CREBBP: variants seen among roughly 807,000 people sequenced by gnomAD.
CREBBP encodes the protein CREB binding lysine acetyltransferase, also known as CREB-binding protein.
CREBBP carries 19 observed loss-of-function variants against 265.0 expected under a neutral mutation model. The ratio of observed to expected loss-of-function variants is 0.07; its 90% CI spans 0.05 to 0.11. CREBBP has a LOEUF of 0.11. Ranked by LOEUF, CREBBP falls within the 10% of genes least tolerant of loss-of-function variation. The probability of loss-of-function intolerance (pLI) is 1.00; values close to 1 mark genes in which losing one functional copy is unlikely to be tolerated. For missense variants in CREBBP, 2,525 were observed against 3,219.0 expected, an observed-to-expected ratio of 0.78 and a Z score of 5.22; for synonymous variants, 1,457 against 1,223.7, an observed-to-expected ratio of 1.19 and a Z score of -3.98.
At chr16:3,774,003 T>C (rs2053078244) in intron 12 of CREBBP, 73 bp from the exon 13 acceptor site, 1 of 1,538,524 alleles carries the variant, frequency 6.5e-7, no homozygotes, top group Non-Finnish European at 9.0e-7. Context: ...TGAGCCAGAA[T>C]GATCCAAGGC....
At position 3,838,405 on chromosome 16, in the gene CREBBP, C is replaced by G. The variant is rs753669238; in HGVS notation, c.798+11892G>C. 2.6e-5 allele frequency among the ~76,000 whole-genome samples: 4 copies of G among 152,272 alleles called. No individual in the cohort carries two copies. In the East Asian group the frequency reaches 7.7e-4, roughly 29 times the overall value. On this transcript the variant is annotated intron_variant, in intron 2 of 30. Transcript: ENST00000262367. ...AATCACTTAATGATGCATTTCACCC[C>G]CATCAAGTGACACATGCCTAAGTTA...
At chr16:3,759,642 G>GT (rs2052667171) in intron 16 of CREBBP, among the ~76,000 whole-genome samples, 1 of 150,420 alleles carries the variant, frequency 6.6e-6, no homozygotes, top group Admixed American at 6.6e-5. Flanking sequence ...TCTGAGTAAA[G>GT]TTTTTTATCC....
rs137867843 is a variant in CREBBP, at chr16:3,879,891, G to A, written c.26C>T (p.Pro9Leu). Reference sequence around the variant, plus strand: ...GAGTTTGGCTCTTTTGGGGTTGGGCGGTCCGTCCAGCAAGTTCTCAGCCAT... The same window carrying A: ...GAGTTTGGCTCTTTTGGGGTTGGGCAGTCCGTCCAGCAAGTTCTCAGCCAT... MAENLLDG[P>L]PNPKRAKLSS... Residue 9 changes from proline to leucine, a missense_variant, in exon 1 of 31, where the codon CCG becomes CTG. This residue lies in a region of CREBBP where 356 missense variants were observed against 340.4 expected (regional missense o/e 1.05). Transcript: ENST00000262367. 1 of 1,612,636 alleles carries A rather than the reference G, an allele frequency of 6.2e-7. No individual in the cohort carries two copies. The highest frequency in any genetic ancestry group is 8.5e-7 in the Non-Finnish European group (1 of 1,179,332).
intron 2 of CREBBP, among the ~76,000 whole-genome samples, chr16:3,818,125 G>T (rs575915413): frequency 6.6e-6 from 1 of 151,878 alleles, no homozygotes; most frequent in Non-Finnish European, 1.5e-5. Flanking sequence ...CACAAGAAGG[G>T]GTTGACCATA....
Position 3,725,995 on chromosome 16 carries a change from G to A in CREBBP, c.*1723C>T, listed in dbSNP as rs1373249550. 4.3e-6 allele frequency: 1 copy of A among 233,092 alleles called. No individual in the cohort carries two copies. The highest frequency in any genetic ancestry group is 2.2e-5 in the African/African-American group (1 of 45,332). 14.4% of individuals were successfully genotyped at this position (233,092 alleles called of 1,614,324 possible). ...TGAACTTGTCTCACCCACTCAGTAA[G>A]GGAGCCTGGAACTGGACTCCAAGGG... is the stretch of plus-strand genomic sequence containing the variant. On this transcript the variant is annotated 3_prime_UTR_variant, in exon 31 of 31. Transcript: ENST00000262367.
At position 3,778,008 on chromosome 16, in the gene CREBBP, T is replaced by C. The variant is rs367714273; in HGVS notation, c.2113+3A>G. The stretch of plus-strand genomic sequence containing the variant: ...GGATGGCAGTAGGAAATAAAATCCT[T>C]ACTTGGAGGTCTCACAGGTTGTGCC... On this transcript the variant is annotated splice_donor_region_variant and intron_variant, in intron 10 of 30. Transcript: ENST00000262367. The C allele has an allele frequency of 6.2e-6, 10 of 1,614,170 alleles. No homozygotes were observed. The highest frequency in any genetic ancestry group is 4.5e-5 in the East Asian group (2 of 44,884).
chr16:3,828,170 G>T (rs531194060), intron 2 of CREBBP, among the ~76,000 whole-genome samples: 1 of 151,514 alleles, frequency 6.6e-6, no homozygotes, highest in Non-Finnish European at 1.5e-5. Context: ...TCGGCTCACC[G>T]CAACCTCTGC....
intron 13 of CREBBP, among the ~76,000 whole-genome samples, chr16:3,772,136 T>C (rs999432544): frequency 2.6e-5 from 4 of 151,978 alleles, no homozygotes; most frequent in African/African-American, 9.7e-5. Context: ...TTCTATAACA[T>C]GTACCCAATG....
chr16:3,774,791 G>T, intron 11 of CREBBP, 98 bp from the exon 12 acceptor site: 2 of 1,467,876 alleles, frequency 1.4e-6, no homozygotes, highest in South Asian at 1.2e-5. Context: ...AAGATGGAAC[G>T]CACAGGCAAC....
intron 2 of CREBBP, among the ~76,000 whole-genome samples, chr16:3,825,591 C>T (rs201121808): frequency 8.3e-6 from 1 of 120,412 alleles, no homozygotes; most frequent in Non-Finnish European, 1.8e-5. Flanking sequence ...CCTCTTCTGA[C>T]AAAAAAAAAA....
At chr16:3,832,442 ATCT>A (rs2054361682) in intron 2 of CREBBP, among the ~76,000 whole-genome samples, 2 of 152,214 alleles carry the variant, frequency 1.3e-5, no homozygotes, top group South Asian at 4.1e-4. Flanking sequence ...AGACAAGGAC[ATCT>A]TCTGAGAAAA....
intron 28 of CREBBP, among the ~76,000 whole-genome samples, chr16:3,735,144 C>T (rs2052020257): frequency 6.6e-6 from 1 of 152,176 alleles, no homozygotes; most frequent in African/African-American, 2.4e-5. Context: ...CTTCCAGCAC[C>T]TTCCTGTGGT....
intron 13 of CREBBP, 173 bp downstream of exon 13, chr16:3,773,578 C>T (rs1275770587): frequency 1.6e-5 from 11 of 680,462 alleles, no homozygotes; most frequent in East Asian, 8.2e-5. Context: ...AAATTCCAAA[C>T]GAGTTAAGGA....
At chr16:3,736,225 G>A in intron 27 of CREBBP, 22 bp from the exon 28 acceptor site, 4 of 1,612,288 alleles carry the variant, frequency 2.5e-6, no homozygotes, top group Admixed American at 1.7e-5. Context: ...AAGCACAACA[G>A]TGAGATGAGG....
chr16:3,862,087 G>A (rs1199442765), intron 1 of CREBBP, among the ~76,000 whole-genome samples: 1 of 152,052 alleles, frequency 6.6e-6, no homozygotes, highest in African/African-American at 2.4e-5. Flanking sequence ...CCTCCCCAGA[G>A]GACTGTACTC....
rs866803688 is a variant in CREBBP, at chr16:3,852,163, T to G, written c.86-1154A>C. Among the ~76,000 whole-genome samples, 39 of 107,138 alleles carry G rather than the reference T, an allele frequency of 3.6e-4. 1 individual carries two copies. Among genetic ancestry groups the G allele is most frequent in the African/African-American group, 9.1e-4 (27 of 29,762 alleles). The allele number at this position is 107,138 out of a possible 152,430, so 70.3% of individuals were successfully genotyped here. On this transcript the variant is annotated intron_variant, in intron 1 of 30. Transcript: ENST00000262367. ...TAAAGCCAATCTTAAATTTGTTTTT[T>G]TTTTTTTTTTTTTTTTTTTGAGACA...
chr16:3,800,658 C>A (rs926763404), intron 3 of CREBBP, among the ~76,000 whole-genome samples: 5 of 152,040 alleles, frequency 3.3e-5, no homozygotes, highest in African/African-American at 1.2e-4. Context: ...TAGTCTCCCA[C>A]GACTGTGCTT....
intron 2 of CREBBP, among the ~76,000 whole-genome samples, chr16:3,843,607 G>C (rs541506192): frequency 1.3e-4 from 19 of 151,438 alleles, no homozygotes; most frequent in Non-Finnish European, 1.9e-4. Flanking sequence ...TTTTTTTAAA[G>C]ATAGGGTCTC....
intron 16 of CREBBP, among the ~76,000 whole-genome samples, chr16:3,764,626 C>T (rs2052803240): frequency 1.3e-5 from 2 of 152,120 alleles, no homozygotes; most frequent in Admixed American, 1.3e-4. Context: ...CTCTGTTGTC[C>T]AGGCTGGAGT....
Sources: gnomAD v4.1 joint callset for allele counts (sites outside exome capture counted in the v4.1 genomes callset) on GRCh38, gnomAD v4.1.1 for gene constraint, gnomAD v4.1.1 regional missense constraint, MANE v1.5 for transcripts, NCBI Gene and HGNC (gene_info 2026-07-23, HGNC 2026-07-21) for gene names.